The following HELB variants were observed in gnomAD, a reference collection of about 807,000 sequenced individuals.
The protein encoded by HELB is DNA 5'-3' helicase B.
In HELB, 96 loss-of-function variants were observed where a neutral mutation model predicts 101.7. That is an observed-to-expected ratio of 0.94 (90% CI 0.80 to 1.12). The LOEUF (loss-of-function observed/expected upper bound fraction) is 1.12. HELB is among the 50% of genes most tolerant of loss of function. The probability of loss-of-function intolerance (pLI) is 0.00; values close to 1 mark genes in which losing one functional copy is unlikely to be tolerated. For missense variants in HELB, 1,210 were observed against 1,291.9 expected, an observed-to-expected ratio of 0.94 and a Z score of 0.97; for synonymous variants, 437 against 459.7, an observed-to-expected ratio of 0.95 and a Z score of 0.63.
chr12:66,332,708 T>C (rs762697807), intron 12 of HELB, among the ~76,000 whole-genome samples: 32 of 152,350 alleles, frequency 2.1e-4, no homozygotes, highest in Middle Eastern at 6.8e-3. Context: ...GGTATGTATG[T>C]ATAGGAAAAA....
chr12:66,318,425 A>C (rs1342111039), intron 6 of HELB, among the ~76,000 whole-genome samples: 1 of 152,178 alleles, frequency 6.6e-6, no homozygotes, highest in Non-Finnish European at 1.5e-5. Context: ...GCTAATGTGT[A>C]GTACCATAAG....
At chr12:66,338,944 T>A (rs868756199), downstream of HELB, 1 of 152,250 alleles carries the variant, frequency 6.6e-6, no homozygotes, top group Non-Finnish European at 1.5e-5. Flanking sequence ...GCACATTGTT[T>A]TGAATATGTT....
chr12:66,330,401 A>G (rs2053791738), intron 11 of HELB, among the ~76,000 whole-genome samples: 1 of 152,064 alleles, frequency 6.6e-6, no homozygotes, highest in Non-Finnish European at 1.5e-5. Context: ...ATTTGGAGAC[A>G]TTAATAAAAA....
chr12:66,313,872 A>G (rs2053570240), intron 4 of HELB, 114 bp from the exon 5 acceptor site: 3 of 827,176 alleles, frequency 3.6e-6, no homozygotes, highest in Admixed American at 4.3e-5. Context: ...GTGTTTCTTT[A>G]CTTCCCACCC....
intron 4 of HELB, among the ~76,000 whole-genome samples, chr12:66,313,697 G>C (rs1324166654): frequency 6.6e-6 from 1 of 152,124 alleles, no homozygotes; most frequent in Non-Finnish European, 1.5e-5. Context: ...GCATATCTCA[G>C]ATGGCCACGA....
intron 11 of HELB, among the ~76,000 whole-genome samples, chr12:66,325,971 C>A (rs780839442): frequency 2.6e-5 from 4 of 152,134 alleles, no homozygotes; most frequent in Non-Finnish European, 4.4e-5. Flanking sequence ...TGGTGTTTAA[C>A]ATTTTATAAC....
chr12:66,327,439 T>C (rs1366418751), intron 11 of HELB, among the ~76,000 whole-genome samples: 2 of 152,318 alleles, frequency 1.3e-5, no homozygotes, highest in East Asian at 3.9e-4. Context: ...ATTTTCCTTC[T>C]CATCACTTTG....
intron 3 of HELB, among the ~76,000 whole-genome samples, chr12:66,307,325 G>A (rs1003724018): frequency 1.3e-5 from 2 of 152,054 alleles, no homozygotes; most frequent in African/African-American, 2.4e-5. Context: ...GGAGAAGAGT[G>A]GAAGAGCAAT....
chr12:66,303,189 G>A (rs1371709913), intron 1 of HELB, among the ~76,000 whole-genome samples: 2 of 150,674 alleles, frequency 1.3e-5, no homozygotes, highest in African/African-American at 4.9e-5. Context: ...GGAAACAGTG[G>A]ATGTTGAGTC....
chr12:66,321,146 C>T (rs973494369), intron 7 of HELB, among the ~76,000 whole-genome samples: 1 of 152,122 alleles, frequency 6.6e-6, no homozygotes. Flanking sequence ...CTTTTTCATT[C>T]CCTTGTGATT....
intron 12 of HELB, among the ~76,000 whole-genome samples, chr12:66,332,132 C>A (rs1168311): frequency 0.45 from 68,294 of 151,970 alleles, 15,830 homozygotes; most frequent in East Asian, 0.58. Context: ...ATCTTTGTTC[C>A]CAGAAATTGA....
At chr12:66,340,311 C>T (rs970874292), downstream of HELB, 2 of 152,148 alleles carry the variant, frequency 1.3e-5, no homozygotes, top group Non-Finnish European at 2.9e-5. Context: ...TATAGCCATC[C>T]TAGTGGGTAT....
intron 7 of HELB, among the ~76,000 whole-genome samples, chr12:66,319,986 G>A (rs558532565): frequency 2.0e-5 from 3 of 149,000 alleles, no homozygotes; most frequent in South Asian, 4.3e-4. Flanking sequence ...TAAAGCAGAG[G>A]AAAAGATTAA....
At chr12:66,332,113 C>T (rs781331728) in intron 12 of HELB, among the ~76,000 whole-genome samples, 2 of 152,302 alleles carry the variant, frequency 1.3e-5, no homozygotes, top group African/African-American at 2.4e-5. Flanking sequence ...AACCAGCTGC[C>T]TAATCTGCAT....
At chr12:66,306,594 A>G in intron 3 of HELB, 80 bp downstream of exon 3, 1 of 1,077,040 alleles carries the variant, frequency 9.3e-7, no homozygotes, top group Non-Finnish European at 1.3e-6. Flanking sequence ...TTTCTCTTTC[A>G]AAGGAAAAAA....
intron 11 of HELB, among the ~76,000 whole-genome samples, chr12:66,325,660 C>T (rs140923244): frequency 4.1e-4 from 62 of 152,218 alleles, no homozygotes; most frequent in Middle Eastern, 6.8e-3. Context: ...CATGTAGAAG[C>T]AATATATATG....
Position 66,309,745 on chromosome 12 carries a change from A to G in HELB, c.817A>G (p.Ser273Gly), listed in dbSNP as rs2053517889. 1.2e-6 allele frequency: 2 copies of G among 1,613,014 alleles called. No homozygotes were observed. The highest frequency in any genetic ancestry group is 1.7e-6 in the Non-Finnish European group (2 of 1,179,382). ...REWKLLRCEA[S>G]WIAFCQCESL... ...GTGGAAACTCCTGCGATGTGAGGCA[A>G]GTTGGATAGCATTTTGTCAGTGTGA... The change falls in exon 4 of 13, where the codon AGT (serine) becomes GGT (glycine). Residue 273 changes from serine (S) to glycine (G), a missense_variant. Coordinates refer to ENST00000247815, the MANE Select transcript of HELB (RefSeq NM_001370285.1).
intron 11 of HELB, among the ~76,000 whole-genome samples, chr12:66,327,135 G>A (rs1223668598): frequency 6.8e-6 from 1 of 146,618 alleles, no homozygotes; most frequent in East Asian, 2.0e-4. Flanking sequence ...AATGGTTCTT[G>A]CCAGGGGTGG....
chr12:66,336,927 G>C (rs896177093), intron 12 of HELB, among the ~76,000 whole-genome samples: 1 of 152,216 alleles, frequency 6.6e-6, no homozygotes, highest in Admixed American at 6.5e-5. Context: ...GTTAGGGAGA[G>C]AGTAGGGAAT....
Sources: allele counts gnomAD v4.1 joint callset (sites outside exome capture counted in the v4.1 genomes callset), GRCh38; gene constraint gnomAD v4.1.1; transcripts MANE v1.5; gene names NCBI Gene and HGNC (gene_info 2026-07-23, HGNC 2026-07-21).